TNFRSF10B: variants seen among roughly 807,000 people sequenced by gnomAD.
TNFRSF10B encodes tumor necrosis factor receptor superfamily member 10B.
Under a neutral mutation model 41.4 loss-of-function variants are expected in TNFRSF10B, and 35 were observed. That is an observed-to-expected ratio of 0.85 (90% CI 0.65 to 1.12). The LOEUF is 1.12. Among genes scored for constraint, TNFRSF10B ranks in the 50% most tolerant of loss-of-function variants. The pLI, the probability that TNFRSF10B is intolerant of heterozygous loss-of-function variation, is 0.00. For synonymous variants in TNFRSF10B, 230 were observed against 215.5 expected (o/e 1.07, Z -0.59); for missense variants, 584 against 552.7 (o/e 1.06, Z -0.57).
rs1813079797 is a variant in TNFRSF10B at position 23,068,785 on chromosome 8, G to A, written c.110C>T (p.Thr37Ile). The A allele has an allele frequency of 5.6e-6, 9 of 1,606,340 alleles. No individual in the cohort carries two copies. Among genetic ancestry groups the A allele is most frequent in the Non-Finnish European group, 7.6e-6 (9 of 1,176,892 alleles). The change falls in exon 1 of 9, where the codon ACC becomes ATC. Residue 37 changes from threonine (T) to isoleucine (I), a missense_variant. Transcript: ENST00000276431. ...GARPGPRVPK[T>I]LVLVVAAVLL... is the part of the protein sequence containing the mutation. The stretch of plus-strand genomic sequence containing the variant: ...GACCGCGGCGACAACGAGCACAAGG[G>A]TCTTGGGGACCCGGGGCCCAGGCCT...
rs934882050 is a variant in TNFRSF10B, at chr8:23,028,232, T to TA, written c.748+98dup. ...AGGATAGAGCCAGGCTGGAGGCACTTAGACTTGGGGCAGGGGCAGGCGTTT... is the reference window on the plus strand; with the variant it reads ...AGGATAGAGCCAGGCTGGAGGCACTTAAGACTTGGGGCAGGGGCAGGCGTTT... On this transcript the variant is annotated intron_variant, in intron 5 of 8. Coordinates refer to ENST00000276431, the MANE Select transcript of TNFRSF10B (RefSeq NM_003842.5). The TA allele has an allele frequency of 1.9e-6, 3 of 1,557,840 alleles. No individual in the cohort carries two copies. The African/African-American group carries it at 4.1e-5, about 21-fold the overall frequency.
At chr8:23,063,287 G>C (rs1252299336) in intron 1 of TNFRSF10B, among the ~76,000 whole-genome samples, 16 of 150,958 alleles carry the variant, frequency 1.1e-4, no homozygotes, top group Admixed American at 1.1e-3. Flanking sequence ...GGCAGAGGTT[G>C]CAGTGAGCCG....
intron 2 of TNFRSF10B, among the ~76,000 whole-genome samples, chr8:23,039,922 G>C (rs76943763): frequency 2.0e-5 from 3 of 152,176 alleles, no homozygotes; most frequent in Admixed American, 2.0e-4. Flanking sequence ...GGCTAGGTGC[G>C]TGGCTCATAC....
Position 23,024,204 on chromosome 8 carries a change from T to G in TNFRSF10B, c.993A>C (p.Glu331Asp), listed in dbSNP as rs1357885074. 4 of 1,614,112 alleles carry G rather than the reference T, an allele frequency of 2.5e-6. No individual in the cohort carries two copies. Among genetic ancestry groups the G allele is most frequent in the Middle Eastern group, 1.7e-4 (1 of 6,060 alleles). The change falls in exon 8 of 9, where the codon GAA becomes GAC. Residue 331 changes from glutamate to aspartate, a missense_variant. Glu to Asp is a conservative substitution (Grantham distance 45). Coordinates refer to ENST00000276431, the MANE Select transcript of TNFRSF10B (RefSeq NM_003842.5). ...AACACTTACTCTCAGTGGGATCACC[T>G]TCATTTGCTGGAACCAGCAGCCTCC... is the stretch of plus-strand genomic sequence containing the variant. Reference protein sequence around the residue: ...QRRRLLVPANEGDPTETLRQC... With the variant: ...QRRRLLVPANDGDPTETLRQC...
intron 1 of TNFRSF10B, among the ~76,000 whole-genome samples, chr8:23,058,944 CATTT>C (rs1812747988): frequency 6.6e-6 from 1 of 152,154 alleles, no homozygotes; most frequent in Non-Finnish European, 1.5e-5. Context: ...AGTGACACTA[CATTT>C]ATTAATGTTG....
At chr8:23,050,061 G>A (rs1812481910) in intron 1 of TNFRSF10B, 1 of 152,260 alleles carries the variant, frequency 6.6e-6, no homozygotes, top group Non-Finnish European at 1.5e-5. Flanking sequence ...GGGAAGAACA[G>A]AGATAAGGAG....
chr8:23,023,035 G>A (rs1811587134), intron 8 of TNFRSF10B, 51 bp from the exon 9 acceptor site: 1 of 1,594,678 alleles, frequency 6.3e-7, no homozygotes, highest in East Asian at 2.2e-5. Flanking sequence ...CTCAGAAAGG[G>A]CAGAGGATTC....
intron 1 of TNFRSF10B, among the ~76,000 whole-genome samples, chr8:23,046,107 A>T (rs1173410240): frequency 6.6e-6 from 1 of 152,242 alleles, no homozygotes; most frequent in Non-Finnish European, 1.5e-5. Flanking sequence ...AAGAAAAAGA[A>T]AAGAATTATT....
intron 6 of TNFRSF10B, 113 bp from the exon 7 acceptor site, chr8:23,027,401 G>A (rs1811735752): frequency 7.5e-7 from 1 of 1,339,010 alleles, no homozygotes; most frequent in Non-Finnish European, 1.0e-6. Flanking sequence ...CTCTCAGTGA[G>A]GTCACCGCAG....
chr8:23,021,835 T>G lies in TNFRSF10B; in HGVS notation c.*836A>C, dbSNP rs1051960173. 5 of 454,032 alleles carry G rather than the reference T, an allele frequency of 1.1e-5. No homozygotes were observed. The highest frequency in any genetic ancestry group is 6.0e-5 in the African/African-American group (3 of 50,024). 28.1% of individuals were successfully genotyped at this position (454,032 alleles called of 1,614,324 possible). ...CAGACAGTGACATCTTACAGGGGAC[T>G]TCTTCTTCTTCCCCCATTGTATGTC... On this transcript the variant is annotated 3_prime_UTR_variant, in exon 9 of 9. Coordinates refer to ENST00000276431, the MANE Select transcript of TNFRSF10B (RefSeq NM_003842.5).
intron 1 of TNFRSF10B, among the ~76,000 whole-genome samples, chr8:23,058,404 C>G (rs1335975456): frequency 6.6e-6 from 1 of 151,938 alleles, no homozygotes; most frequent in Non-Finnish European, 1.5e-5. Flanking sequence ...CAATTTTTGT[C>G]CATTCTATTT....
Position 23,028,581 on chromosome 8 carries a change from C to T in TNFRSF10B, c.498G>A (p.Lys166=). Residue 166 remains lysine (K), a synonymous_variant, in exon 5 of 9, where the codon AAG becomes AAA. Transcript: ENST00000276431. ...CRTGCPRGMV[K]VGDCTPWSDI... ...CACTCCAGGGTGTACAATCACCGAC[C>T]TTGACCATCCCTCTGGGACACCTGG... 1 of 1,614,118 alleles carries T rather than the reference C, an allele frequency of 6.2e-7. No homozygotes were observed. The highest frequency in any genetic ancestry group is 1.3e-5 in the African/African-American group (1 of 75,032).
chr8:23,047,858 T>C (rs1160484524), intron 1 of TNFRSF10B, among the ~76,000 whole-genome samples: 1 of 152,222 alleles, frequency 6.6e-6, no homozygotes, highest in Non-Finnish European at 1.5e-5. Context: ...TTCTGGGTAT[T>C]TACCAAAAAG....
intron 2 of TNFRSF10B, among the ~76,000 whole-genome samples, chr8:23,039,700 A>G (rs924564364): frequency 7.9e-5 from 12 of 152,168 alleles, no homozygotes; most frequent in Non-Finnish European, 1.8e-4. Context: ...TGCTCCATAC[A>G]CATACATGTC....
At chr8:23,055,775 C>G (rs1210301431) in intron 1 of TNFRSF10B, among the ~76,000 whole-genome samples, 1 of 152,102 alleles carries the variant, frequency 6.6e-6, no homozygotes, top group African/African-American at 2.4e-5. Flanking sequence ...GGTAATCACC[C>G]CAGCACCTGG....
In TNFRSF10B at chr8:23,036,419, G is replaced by C. The variant is rs1407671377; in HGVS notation, c.251-5547C>G. On this transcript the variant is annotated intron_variant, in intron 2 of 8. Transcript: ENST00000276431. ...CTGGCCTGCACTTATGGCCTCATGA[G>C]GAATTCCCTATGGTCAGTTGCCAGA... Among the ~76,000 whole-genome samples the C allele has an allele frequency of 4.6e-5, 7 of 152,174 alleles. No homozygotes were observed. The East Asian group carries it at 1.2e-3, about 25-fold the overall frequency.
Position 23,020,479 on chromosome 8 carries a change from G to A in TNFRSF10B, c.*2192C>T, listed in dbSNP as rs755408705. ...CGGAGGCCAAGGTGGATCACCTGAG[G>A]TCAGGAGTTCGAGACCAGCCTGACC... On this transcript the variant is annotated 3_prime_UTR_variant, in exon 9 of 9. Coordinates refer to ENST00000276431, the MANE Select transcript of TNFRSF10B (RefSeq NM_003842.5). 6.6e-6 allele frequency: 3 copies of A among 453,668 alleles called. No individual in the cohort carries two copies. The highest frequency in any genetic ancestry group is 4.7e-5 in the South Asian group (3 of 64,476). 28.1% of individuals were successfully genotyped at this position (453,668 alleles called of 1,614,324 possible). A position where few individuals can be genotyped will look rare whatever the true frequency, so the allele number is the denominator to read the frequency against.
chr8:23,031,374 CCTATTTAT>C (rs1811878535), intron 2 of TNFRSF10B, among the ~76,000 whole-genome samples: 1 of 104,036 alleles, frequency 9.6e-6, no homozygotes, highest in African/African-American at 3.3e-5. Flanking sequence ...CTGCACCCGG[CCTATTTAT>C]TTATTTATTT....
chr8:23,039,720 G>T (rs117333685), intron 2 of TNFRSF10B, among the ~76,000 whole-genome samples: 1 of 152,062 alleles, frequency 6.6e-6, no homozygotes, highest in Non-Finnish European at 1.5e-5. Flanking sequence ...CCTTAAGATC[G>T]ACGTCAGTGG....
Sources: gnomAD v4.1 joint callset for allele counts (sites outside exome capture counted in the v4.1 genomes callset) on GRCh38, gnomAD v4.1.1 for gene constraint, MANE v1.5 for transcripts, NCBI Gene and HGNC (gene_info 2026-07-23, HGNC 2026-07-21) for gene names.